The following CHMP3 variants were observed in gnomAD, a reference collection of about 807,000 sequenced individuals.
CHMP3 encodes charged multivesicular body protein 3, also known as 25.1 protein.
In CHMP3, 8 loss-of-function variants were observed where a neutral mutation model predicts 27.4. That is an observed-to-expected ratio of 0.29 (90% CI 0.17 to 0.53). The LOEUF (loss-of-function observed/expected upper bound fraction) is 0.53, where lower values mean the gene tolerates loss of function less well. CHMP3 is among the 20% of genes least tolerant of loss of function. The pLI is 0.96. For missense variants in CHMP3, 208 were observed against 271.5 expected (o/e 0.77, Z 1.64); for synonymous variants, 86 against 85.5 (o/e 1.01, Z -0.03).
At chr2:86,553,489 G>A (rs1015614164) in intron 1 of CHMP3, among the ~76,000 whole-genome samples, 5 of 152,012 alleles carry the variant, frequency 3.3e-5, no homozygotes, top group African/African-American at 7.3e-5. Context: ...ACGCCACCAC[G>A]CCCAGCTAAT....
chr2:86,552,602 C>T (rs1457029820), intron 1 of CHMP3, among the ~76,000 whole-genome samples: 4 of 152,142 alleles, frequency 2.6e-5, no homozygotes, highest in Admixed American at 2.6e-4. Flanking sequence ...AAAAGGAAAA[C>T]ATAATGTAAA....
intron 1 of CHMP3, among the ~76,000 whole-genome samples, chr2:86,554,846 T>C (rs994785989): frequency 1.5e-5 from 2 of 134,186 alleles, no homozygotes; most frequent in Non-Finnish European, 3.3e-5. Context: ...TGTGTGTGTG[T>C]AGATTTTTTT....
intron 2 of CHMP3, among the ~76,000 whole-genome samples, chr2:86,538,105 C>T (rs770874937): frequency 2.0e-5 from 3 of 152,150 alleles, no homozygotes; most frequent in Non-Finnish European, 4.4e-5. Context: ...GAATGAAATT[C>T]TGATACCTGC....
chr2:86,540,604 AT>A (rs1676323748), intron 2 of CHMP3: 1 of 152,044 alleles, frequency 6.6e-6, no homozygotes, highest in Non-Finnish European at 1.5e-5. Flanking sequence ...TATATCTTCA[AT>A]TTCACTGATC....
intron 3 of CHMP3, among the ~76,000 whole-genome samples, chr2:86,516,684 T>C (rs1473509700): frequency 6.6e-6 from 1 of 152,212 alleles, no homozygotes; most frequent in African/African-American, 2.4e-5. Context: ...GGAATACCAC[T>C]CAGCAATAAA....
rs201616389 is a variant in CHMP3, at chr2:86,507,497, G to C, written c.505C>G (p.Leu169Val). Reference sequence around the variant, plus strand: ...GTCATACCTGCTGTAATTTCAAAGAGAATTCTGTCAATTTCCATTTCTGCT... The same window carrying C: ...GTCATACCTGCTGTAATTTCAAAGACAATTCTGTCAATTTCCATTTCTGCT... ...EEAEMEIDRI[L>V]FEITAGALGK... The change falls in exon 5 of 6, where the codon CTC becomes GTC. Residue 169 changes from leucine (L) to valine (V), a missense_variant. Transcript: ENST00000263856. 6.2e-7 allele frequency: 1 copy of C among 1,614,022 alleles called. No individual in the cohort carries two copies. The highest frequency in any genetic ancestry group is 8.5e-7 in the Non-Finnish European group (1 of 1,180,008).
chr2:86,540,772 C>T (rs748292793), intron 2 of CHMP3: 1 of 150,726 alleles, frequency 6.6e-6, no homozygotes, highest in African/African-American at 2.4e-5. Flanking sequence ...CCTTTAATCT[C>T]AACATATTTA....
At position 86,510,209 on chromosome 2, in the gene CHMP3, C is replaced by A. The variant is rs1027707846; in HGVS notation, c.408+149G>T. On this transcript the variant is annotated intron_variant, in intron 4 of 5. Coordinates refer to ENST00000263856, the MANE Select transcript of CHMP3 (RefSeq NM_016079.4). ...CTGCTATGCTGAGCTCAAATGGTTT[C>A]AATCAATGTTAACAGCTACTCCTTA... The A allele has an allele frequency of 3.9e-6, 5 of 1,292,266 alleles. No homozygotes were observed. The African/African-American group carries it at 7.4e-5, about 19-fold the overall frequency. The allele number at this position is 1,292,266 out of a possible 1,614,324, so 80.0% of individuals were successfully genotyped here.
At chr2:86,549,492 CCG>C (rs1676783289) in intron 1 of CHMP3, among the ~76,000 whole-genome samples, 1 of 147,630 alleles carries the variant, frequency 6.8e-6, no homozygotes, top group Non-Finnish European at 1.5e-5. Flanking sequence ...GACGGGGCGG[CCG>C]GGCAGAGGCG....
intron 1 of CHMP3, among the ~76,000 whole-genome samples, chr2:86,546,944 T>C (rs1676632980): frequency 6.6e-6 from 1 of 152,244 alleles, no homozygotes; most frequent in African/African-American, 2.4e-5. Context: ...TCTTTCTCAA[T>C]AATGTCCTTT....
chr2:86,516,034 G>GCTA (rs983128534), intron 3 of CHMP3, among the ~76,000 whole-genome samples: 2 of 150,954 alleles, frequency 1.3e-5, no homozygotes, highest in African/African-American at 4.9e-5. Context: ...TGTAATCCCA[G>GCTA]CTACTCAGGA....
In CHMP3 at chr2:86,537,025, T is replaced by C. The variant is rs550048706; in HGVS notation, c.106+5227A>G. On this transcript the variant is annotated intron_variant, in intron 2 of 5. Coordinates refer to ENST00000263856, the MANE Select transcript of CHMP3 (RefSeq NM_016079.4). ...ACAGGCATGTACCACCACACCTGGC[T>C]AATTTTTGTTTTTATTTTTTGTAGA... Among the ~76,000 whole-genome samples the C allele has an allele frequency of 4.6e-5, 7 of 152,278 alleles. No individual in the cohort carries two copies. The East Asian group carries it at 1.3e-3, about 29-fold the overall frequency.
intron 3 of CHMP3, among the ~76,000 whole-genome samples, chr2:86,523,782 C>G (rs1391477471): frequency 6.6e-6 from 1 of 151,994 alleles, no homozygotes; most frequent in Non-Finnish European, 1.5e-5. Flanking sequence ...AGAAACAATA[C>G]ACAGAATGTA....
chr2:86,505,847 G>GCCTCTT lies in CHMP3; in HGVS notation c.620_625dup (p.Glu207_Glu208dup), dbSNP rs1245150838. On this transcript the variant is annotated inframe_insertion, in exon 6 of 6. Coordinates refer to ENST00000263856, the MANE Select transcript of CHMP3 (RefSeq NM_016079.4). ...CAGCCGGGACTGCATGGCCTCCAGA[G>GCCTCTT]CCTCTTCCTCCTCCTCCTCATCCTC... The GCCTCTT allele has an allele frequency of 5.6e-6, 9 of 1,603,252 alleles. No individual in the cohort carries two copies. The highest frequency in any genetic ancestry group is 7.7e-6 in the Non-Finnish European group (9 of 1,174,678).
intron 3 of CHMP3, among the ~76,000 whole-genome samples, chr2:86,524,177 T>G (rs1675615501): frequency 6.6e-6 from 1 of 152,160 alleles, no homozygotes; most frequent in East Asian, 1.9e-4. Context: ...CTAAGACTGT[T>G]TGCTTTCAGA....
intron 4 of CHMP3, among the ~76,000 whole-genome samples, chr2:86,509,107 A>G (rs555402823): frequency 9.8e-5 from 15 of 152,342 alleles, no homozygotes; most frequent in African/African-American, 3.6e-4. Flanking sequence ...GGGCCTTCAG[A>G]ATGTACTACA....
intron 3 of CHMP3, among the ~76,000 whole-genome samples, chr2:86,525,674 A>T (rs1213596315): frequency 2.6e-5 from 4 of 152,152 alleles, no homozygotes; most frequent in Non-Finnish European, 5.9e-5. Flanking sequence ...ATAAACAAAA[A>T]TGCAAATGGG....
intron 4 of CHMP3, among the ~76,000 whole-genome samples, chr2:86,509,256 T>C (rs995193749): frequency 6.6e-6 from 1 of 152,208 alleles, no homozygotes. Context: ...ACTCCAAGAA[T>C]GATCTTCTTA....
At chr2:86,535,613 T>A (rs1573273786) in intron 2 of CHMP3, among the ~76,000 whole-genome samples, 2 of 152,124 alleles carry the variant, frequency 1.3e-5, no homozygotes, top group East Asian at 3.9e-4. Flanking sequence ...TTCAAGCGAT[T>A]CTCCTGCCTC....
Sources: gnomAD v4.1 joint callset for allele counts (sites outside exome capture counted in the v4.1 genomes callset) on GRCh38, gnomAD v4.1.1 for gene constraint, MANE v1.5 for transcripts, NCBI Gene and HGNC (gene_info 2026-07-23, HGNC 2026-07-21) for gene names.